RHOD: variants seen among roughly 807,000 people sequenced by gnomAD.
The protein encoded by RHOD is ras homolog family member D, also known as rho-related GTP-binding protein RhoD.
A neutral mutation model predicts 16.7 loss-of-function variants in RHOD; 11 were observed. That is an observed-to-expected ratio of 0.66 (90% confidence interval 0.41 to 1.09). RHOD has a LOEUF of 1.09. Among genes scored for constraint, RHOD ranks in the 50% least tolerant of loss-of-function variants. The pLI, the probability that RHOD is intolerant of heterozygous loss-of-function variation, is 0.00. For missense variants in RHOD, 271 were observed against 291.7 expected (o/e 0.93, Z 0.52); for synonymous variants, 124 against 126.3 (o/e 0.98, Z 0.12).
chr11:67,069,381 C>T (rs549507288), intron 3 of RHOD, among the ~76,000 whole-genome samples: 13 of 152,024 alleles, frequency 8.6e-5, no homozygotes, highest in Non-Finnish European at 1.5e-4. Context: ...TTTTTTGAGA[C>T]GGAGTCTCAC....
Position 67,056,959 on chromosome 11 carries a change from G to A in RHOD, c.57G>A (p.Lys19=). ...CGCCACCAGGCGTGCGGTCCGTCAA[G>A]GTGGTCCTGGTGGGCGACGGCGGCT... ...EEAPPGVRSV[K]VVLVGDGGCG... The change falls in exon 1 of 5, where the codon AAG becomes AAA. Residue 19 remains lysine, a synonymous_variant. Coordinates refer to ENST00000308831, the MANE Select transcript of RHOD (RefSeq NM_014578.4). 3.3e-6 allele frequency: 5 copies of A among 1,500,022 alleles called. No individual in the cohort carries two copies. Among genetic ancestry groups the A allele is most frequent in the Non-Finnish European group, 4.4e-6 (5 of 1,133,480 alleles). The allele number at this position is 1,500,022 out of a possible 1,614,324, so 92.9% of individuals were successfully genotyped here.
chr11:67,069,262 C>T (rs774682122), intron 3 of RHOD, among the ~76,000 whole-genome samples: 6 of 152,352 alleles, frequency 3.9e-5, no homozygotes, highest in Admixed American at 6.5e-5. Flanking sequence ...TGAAAGAACT[C>T]GGCCCTGGTG....
chr11:67,058,257 C>G (rs1025985618), intron 1 of RHOD, among the ~76,000 whole-genome samples: 1 of 152,196 alleles, frequency 6.6e-6, no homozygotes, highest in Non-Finnish European at 1.5e-5. Flanking sequence ...CTCACTGTAA[C>G]CTCTGCCTCC....
chr11:67,066,615 GAGGCAAAAAACT>G, intron 2 of RHOD, 111 bp from the exon 3 acceptor site: 1 of 730,766 alleles, frequency 1.4e-6, no homozygotes, highest in South Asian at 1.6e-5. Context: ...GCCAAACTCT[GAGGCAAAAAACT>G]AGGCCCTGTC....
intron 1 of RHOD, among the ~76,000 whole-genome samples, chr11:67,057,923 C>A (rs750183741): frequency 8.5e-5 from 13 of 152,360 alleles, no homozygotes; most frequent in Non-Finnish European, 1.6e-4. Flanking sequence ...CACCAGGCGG[C>A]CCCTGCTCTG....
chr11:67,067,155 G>A (rs1854969043), intron 3 of RHOD, among the ~76,000 whole-genome samples: 1 of 152,186 alleles, frequency 6.6e-6, no homozygotes, highest in African/African-American at 2.4e-5. Context: ...AGGTTGCTGG[G>A]TGAGCCAGAG....
At chr11:67,066,208 G>A (rs939725842) in intron 2 of RHOD, among the ~76,000 whole-genome samples, 5 of 152,186 alleles carry the variant, frequency 3.3e-5, no homozygotes, top group South Asian at 2.1e-4. Context: ...GGAGGCAAGC[G>A]GGAGTCCAGC....
chr11:67,062,254 C>T (rs1854902160), intron 1 of RHOD, among the ~76,000 whole-genome samples: 1 of 152,164 alleles, frequency 6.6e-6, no homozygotes, highest in South Asian at 2.1e-4. Context: ...TCCATCCTCC[C>T]TCCCACATCA....
intron 1 of RHOD, 34 bp downstream of exon 1, chr11:67,057,068 C>T: frequency 1.4e-6 from 2 of 1,404,982 alleles, no homozygotes; most frequent in Non-Finnish European, 1.8e-6. Flanking sequence ...CGCCCGGTTC[C>T]GCTCGCGCGC....
At chr11:67,057,073 G>T (rs919866019) in intron 1 of RHOD, 39 bp downstream of exon 1, 2 of 1,400,720 alleles carry the variant, frequency 1.4e-6, no homozygotes, top group Non-Finnish European at 1.8e-6. Context: ...GGTTCCGCTC[G>T]CGCGCCCGGG....
At chr11:67,059,531 C>T (rs1854860676) in intron 1 of RHOD, among the ~76,000 whole-genome samples, 1 of 150,806 alleles carries the variant, frequency 6.6e-6, no homozygotes, top group Non-Finnish European at 1.5e-5. Context: ...GACAACAGAG[C>T]GAGACTCCGT....
intron 1 of RHOD, among the ~76,000 whole-genome samples, chr11:67,061,596 C>A (rs1470741239): frequency 7.0e-6 from 1 of 143,598 alleles, no homozygotes; most frequent in African/African-American, 2.6e-5. Flanking sequence ...CGTGCCATTG[C>A]ACTCCAACCT....
intron 3 of RHOD, 129 bp from the exon 4 acceptor site, chr11:67,070,296 C>T (rs1855011193): frequency 5.2e-6 from 5 of 955,260 alleles, no homozygotes; most frequent in Non-Finnish European, 8.2e-6. Flanking sequence ...TAGTTTCTCC[C>T]TAGGTGCTGG....
At chr11:67,059,127 G>A (rs527661690) in intron 1 of RHOD, among the ~76,000 whole-genome samples, 1 of 152,308 alleles carries the variant, frequency 6.6e-6, no homozygotes, top group African/African-American at 2.4e-5. Context: ...ACATGCTGGG[G>A]CTGGCCAGAA....
Position 67,070,479 on chromosome 11 carries a change from T to C in RHOD, c.385T>C (p.Cys129Arg). ...GAAGGTACCCATCATCGTCGTGGGC[T>C]GCAAGACTGACCTGCGCAAGGACAA... is the stretch of plus-strand genomic sequence containing the variant. ...CKKVPIIVVG[C>R]KTDLRKDKSL... The change falls in exon 4 of 5, where the codon TGC (cysteine) becomes CGC (arginine). Residue 129 changes from cysteine (C) to arginine (R), a missense_variant. Transcript: ENST00000308831. The C allele has an allele frequency of 6.2e-7, 1 of 1,614,018 alleles. No individual in the cohort carries two copies. Among genetic ancestry groups the C allele is most frequent in the Non-Finnish European group, 8.5e-7 (1 of 1,180,006 alleles).
In RHOD at chr11:67,065,964, C is replaced by T. The variant is rs768323288; in HGVS notation, c.201C>T (p.Leu67=). ...AAGTGAAAGGCAAACCTGTGCACCT[C>T]CACATCTGGGACACAGCAGGTGGGT... ...NLQVKGKPVH[L]HIWDTAGQDD... Residue 67 remains leucine (L), a synonymous_variant, in exon 2 of 5, where the codon CTC becomes CTT. Transcript: ENST00000308831. 6.2e-7 allele frequency: 1 copy of T among 1,612,964 alleles called. No homozygotes were observed. The highest frequency in any genetic ancestry group is 1.1e-5 in the South Asian group (1 of 91,056).
intron 1 of RHOD, among the ~76,000 whole-genome samples, chr11:67,061,360 C>T (rs1854884459): frequency 1.3e-5 from 2 of 151,998 alleles, no homozygotes; most frequent in Admixed American, 6.6e-5. Flanking sequence ...AGGCTGGGTA[C>T]GGTGGCTCAC....
chr11:67,061,753 A>ATATATAT (rs1555071094), intron 1 of RHOD, among the ~76,000 whole-genome samples: 46 of 126,234 alleles, frequency 3.6e-4, no homozygotes, highest in African/African-American at 1.3e-3. Flanking sequence ...AAAAAAAAAA[A>ATATATAT]AAATATATAT....
chr11:67,064,894 G>A (rs1462841838), intron 1 of RHOD, among the ~76,000 whole-genome samples: 1 of 151,958 alleles, frequency 6.6e-6, no homozygotes, highest in Non-Finnish European at 1.5e-5. Context: ...TCCAGCCTGG[G>A]AAACACAGGG....
Sources: allele counts gnomAD v4.1 joint callset (sites outside exome capture counted in the v4.1 genomes callset), GRCh38; gene constraint gnomAD v4.1.1; transcripts MANE v1.5; gene names NCBI Gene and HGNC (gene_info 2026-07-23, HGNC 2026-07-21).